PDE7B: variants seen among roughly 807,000 people sequenced by gnomAD.
PDE7B encodes phosphodiesterase 7B.
Under a neutral mutation model 56.2 loss-of-function variants are expected in PDE7B, and 29 were observed. The ratio of observed to expected loss-of-function variants is 0.52; its 90% CI spans 0.38 to 0.70. The LOEUF is 0.70. PDE7B is among the 30% of genes least tolerant of loss of function. The probability of loss-of-function intolerance (pLI) is 0.00; values close to 1 mark genes in which losing one functional copy is unlikely to be tolerated. For synonymous variants in PDE7B, 197 were observed against 196.9 expected, an observed-to-expected ratio of 1.00 and a Z score of 0.00; for missense variants, 490 against 565.0, an observed-to-expected ratio of 0.87 and a Z score of 1.35.
At chr6:135,921,469 G>C (rs9402776) in intron 1 of PDE7B, among the ~76,000 whole-genome samples, 21,213 of 152,110 alleles carry the variant, frequency 0.14, 1,759 homozygotes, top group East Asian at 0.38. Context: ...ACAGAAATCA[G>C]TGCATGGAAA....
intron 2 of PDE7B, among the ~76,000 whole-genome samples, chr6:136,010,389 C>CTTTTTTTTTTTTTTTT (rs1327188298): frequency 2.0e-5 from 2 of 98,826 alleles, no homozygotes; most frequent in African/African-American, 3.6e-5. Context: ...TTATTCCCTT[C>CTTTTTTTTTTTTTTTT]TTTTTTTTTT....
At chr6:135,971,216 A>G (rs1775088093) in intron 2 of PDE7B, among the ~76,000 whole-genome samples, 1 of 152,204 alleles carries the variant, frequency 6.6e-6, no homozygotes, top group African/African-American at 2.4e-5. Flanking sequence ...ACATATAGAC[A>G]TCTTCACGCA....
intron 2 of PDE7B, among the ~76,000 whole-genome samples, chr6:135,978,910 C>G (rs1237289666): frequency 1.3e-5 from 2 of 151,900 alleles, no homozygotes; most frequent in Non-Finnish European, 2.9e-5. Context: ...ACTTCCAACA[C>G]TATGTTGAAT....
At chr6:135,997,785 C>A (rs918847560) in intron 2 of PDE7B, among the ~76,000 whole-genome samples, 3 of 152,074 alleles carry the variant, frequency 2.0e-5, no homozygotes, top group Non-Finnish European at 4.4e-5. Context: ...ATAAATGATA[C>A]AATATCAACT....
chr6:135,908,263 T>C (rs1776151327), intron 1 of PDE7B, among the ~76,000 whole-genome samples: 1 of 80,524 alleles, frequency 1.2e-5, no homozygotes, highest in Non-Finnish European at 2.3e-5. Flanking sequence ...TAATTTTGTA[T>C]TTTTTTTTTA....
At chr6:136,143,459 A>T (rs1176958465) in intron 3 of PDE7B, among the ~76,000 whole-genome samples, 1 of 152,080 alleles carries the variant, frequency 6.6e-6, no homozygotes, top group East Asian at 1.9e-4. Context: ...CTTGGTGATC[A>T]CAGTGTATCA....
intron 2 of PDE7B, among the ~76,000 whole-genome samples, chr6:136,102,651 C>T (rs1777582873): frequency 6.6e-6 from 1 of 152,202 alleles, no homozygotes; most frequent in African/African-American, 2.4e-5. Flanking sequence ...GGCATTCCCA[C>T]TGCTTCTTGT....
At chr6:136,020,962 C>A (rs1401850404) in intron 2 of PDE7B, among the ~76,000 whole-genome samples, 1 of 152,192 alleles carries the variant, frequency 6.6e-6, no homozygotes, top group Non-Finnish European at 1.5e-5. Context: ...CCCTCTATTA[C>A]TAGTTCCTAC....
chr6:136,092,315 C>CA (rs558336983), intron 2 of PDE7B, among the ~76,000 whole-genome samples: 153 of 151,822 alleles, frequency 1.0e-3, no homozygotes, highest in African/African-American at 3.5e-3. Context: ...TCAATTATCA[C>CA]AAAAAAGGGA....
At chr6:135,947,109 G>C (rs1774607122) in intron 1 of PDE7B, among the ~76,000 whole-genome samples, 1 of 152,012 alleles carries the variant, frequency 6.6e-6, no homozygotes, top group South Asian at 2.1e-4. Context: ...GATGAATAAG[G>C]ACCAATTTTG....
chr6:135,945,048 T>A (rs1774571883), intron 1 of PDE7B, among the ~76,000 whole-genome samples: 1 of 147,008 alleles, frequency 6.8e-6, no homozygotes, highest in Non-Finnish European at 1.5e-5. Context: ...ATCCTTCATT[T>A]AAAAATATTA....
At position 136,053,306 on chromosome 6, in the gene PDE7B, G is replaced by GT. The variant is rs529403479; in HGVS notation, c.83-55424dup. ...TCCCACCCATGAGTTAGAACATGCG[G>GT]TGTTTGGTTTTTTGTCCTTGCAATA... On this transcript the variant is annotated intron_variant, in intron 2 of 12. Transcript: ENST00000308191. Among the ~76,000 whole-genome samples, 159 of 149,394 alleles carry GT rather than the reference G, an allele frequency of 1.1e-3. 4 individuals are homozygous for GT. The South Asian group carries it at 0.015, about 14-fold the overall frequency.
Position 135,897,546 on chromosome 6 carries a change from T to G in PDE7B, c.21+45527T>G, listed in dbSNP as rs564174036. Among the ~76,000 whole-genome samples the G allele has an allele frequency of 6.6e-5, 10 of 152,194 alleles. No homozygotes were observed. The East Asian group carries it at 1.9e-3, about 29-fold the overall frequency. On this transcript the variant is annotated intron_variant, in intron 1 of 12. Coordinates refer to ENST00000308191, the MANE Select transcript of PDE7B (RefSeq NM_018945.4). ...GATAACAACAGAGAAAAATGAGAAT[T>G]TACTCAGCAGGTGGATCTCACCAAC...
chr6:135,959,581 G>A (rs1377944661), intron 2 of PDE7B, among the ~76,000 whole-genome samples: 5 of 152,050 alleles, frequency 3.3e-5, no homozygotes, highest in East Asian at 1.9e-4. Flanking sequence ...GGCAGTCTAC[G>A]GAAAGGTACC....
At position 136,181,330 on chromosome 6, in the gene PDE7B, A is replaced by G. The variant is rs760364897; in HGVS notation, c.1045+7A>G. ...GAAGAATTCTACAGGCAAGGTTAGT[A>G]GTGATCCAACAGCTGAGATTTCATT... On this transcript the variant is annotated splice_region_variant and intron_variant, in intron 11 of 12. Coordinates refer to ENST00000308191, the MANE Select transcript of PDE7B (RefSeq NM_018945.4). 4.5e-6 allele frequency: 7 copies of G among 1,548,542 alleles called. No homozygotes were observed. Among genetic ancestry groups the G allele is most frequent in the Non-Finnish European group, 6.2e-6 (7 of 1,120,296 alleles).
At chr6:136,150,261 C>T (rs1208747611) in intron 5 of PDE7B, among the ~76,000 whole-genome samples, 10 of 152,150 alleles carry the variant, frequency 6.6e-5, no homozygotes, top group Admixed American at 2.0e-4. Context: ...GCCGCAAAAT[C>T]GACAGGGGGA....
At chr6:135,883,278 T>C (rs1412182698) in intron 1 of PDE7B, among the ~76,000 whole-genome samples, 1 of 152,190 alleles carries the variant, frequency 6.6e-6, no homozygotes, top group Non-Finnish European at 1.5e-5. Context: ...CAGCTCTGTT[T>C]AACAAGGTGA....
intron 8 of PDE7B, among the ~76,000 whole-genome samples, chr6:136,168,082 G>A (rs1267689914): frequency 6.6e-6 from 1 of 152,178 alleles, no homozygotes; most frequent in African/African-American, 2.4e-5. Flanking sequence ...CATAGAGAAA[G>A]AGGTGTTTGC....
At chr6:136,161,477 G>GT (rs1477501087) in intron 8 of PDE7B, among the ~76,000 whole-genome samples, 3 of 152,170 alleles carry the variant, frequency 2.0e-5, no homozygotes, top group African/African-American at 7.2e-5. Flanking sequence ...TGCAGAAGGA[G>GT]TAGCAATGAT....
Sources: allele counts gnomAD v4.1 joint callset (sites outside exome capture counted in the v4.1 genomes callset), GRCh38; gene constraint gnomAD v4.1.1; transcripts MANE v1.5; gene names NCBI Gene and HGNC (gene_info 2026-07-23, HGNC 2026-07-21).